Variants in PCCA observed in about 807,000 individuals in gnomAD.
PCCA encodes the protein propionyl-CoA carboxylase subunit alpha, also known as propionyl-CoA carboxylase alpha chain, mitochondrial.
In PCCA, 74 loss-of-function variants were observed where a neutral mutation model predicts 101.3. The ratio of observed to expected loss-of-function variants is 0.73; its 90% CI spans 0.61 to 0.89. The LOEUF is 0.89. Among genes scored for constraint, PCCA ranks in the 40% least tolerant of loss-of-function variants. The pLI, the probability that PCCA is intolerant of heterozygous loss-of-function variation, is 0.00. For synonymous variants in PCCA, 294 were observed against 313.6 expected, an observed-to-expected ratio of 0.94 and a Z score of 0.66; for missense variants, 891 against 907.0, an observed-to-expected ratio of 0.98 and a Z score of 0.23.
At chr13:100,362,222 G>A (rs966459612) in intron 18 of PCCA, among the ~76,000 whole-genome samples, 4 of 152,058 alleles carry the variant, frequency 2.6e-5, no homozygotes, top group East Asian at 1.9e-4. Flanking sequence ...AGAGCCAAGC[G>A]ACTGGAAGGG....
intron 7 of PCCA, among the ~76,000 whole-genome samples, chr13:100,216,409 T>TA (rs2059520297): frequency 6.6e-6 from 1 of 152,198 alleles, no homozygotes; most frequent in Admixed American, 6.5e-5. Flanking sequence ...TTTAGGGCCT[T>TA]ACAGGCCATT....
intron 21 of PCCA, among the ~76,000 whole-genome samples, chr13:100,467,397 A>T (rs2082616053): frequency 1.3e-5 from 2 of 151,996 alleles, no homozygotes; most frequent in African/African-American, 2.4e-5. Flanking sequence ...TTTGAGATGG[A>T]GTCTTGCTCT....
rs548987681 is a variant in PCCA at position 100,155,057 on chromosome 13, A to G, written c.379A>G (p.Ile127Val). 1 of 1,613,998 alleles carries G rather than the reference A, an allele frequency of 6.2e-7. No individual in the cohort carries two copies. Among genetic ancestry groups the G allele is most frequent in the East Asian group, 2.2e-5 (1 of 44,880 alleles). Residue 127 changes from isoleucine to valine, a missense_variant, in exon 5 of 24, where the codon ATC (isoleucine) becomes GTC (valine). By Grantham distance (29) the Ile-to-Val change is conservative. Transcript: ENST00000376285. The part of the protein sequence containing the change: ...TSKSYLNMDA[I>V]MEAIKKTRAQ... The stretch of plus-strand genomic sequence containing the variant: ...TAAAAGCTACCTCAACATGGATGCC[A>G]TCATGGAAGCCATTAAGAAAACCAG...
At chr13:100,335,915 C>A (rs757740608) in intron 17 of PCCA, among the ~76,000 whole-genome samples, 4 of 152,148 alleles carry the variant, frequency 2.6e-5, no homozygotes. Flanking sequence ...AGCCATAGCC[C>A]ACGAAGAGAG....
intron 7 of PCCA, among the ~76,000 whole-genome samples, chr13:100,217,443 C>A (rs1395988232): frequency 5.2e-4 from 70 of 135,058 alleles, no homozygotes; most frequent in East Asian, 1.6e-3. Flanking sequence ...GACTCCATCT[C>A]AAAAAAAAAA....
intron 4 of PCCA, among the ~76,000 whole-genome samples, chr13:100,119,726 G>A (rs1435934013): frequency 6.6e-6 from 1 of 152,104 alleles, no homozygotes; most frequent in Non-Finnish European, 1.5e-5. Context: ...TAGACAGAAG[G>A]GTTTCCTTCA....
chr13:100,473,091 A>G (rs977889579), intron 21 of PCCA: 4 of 152,134 alleles, frequency 2.6e-5, no homozygotes, highest in African/African-American at 9.7e-5. Context: ...GAATGGAATA[A>G]TTAGGAAACT....
intron 4 of PCCA, among the ~76,000 whole-genome samples, chr13:100,145,983 C>T (rs993588205): frequency 5.4e-5 from 8 of 148,700 alleles, no homozygotes; most frequent in Admixed American, 5.3e-4. Flanking sequence ...ATCGCCCAGG[C>T]TGGAGTGCGC....
chr13:100,217,586 T>C lies in PCCA; in HGVS notation c.600+8123T>C, dbSNP rs114095920. 9.2e-3 allele frequency among the ~76,000 whole-genome samples: 1,401 copies of C among 152,076 alleles called. 26 individuals carry two copies. The highest frequency in any genetic ancestry group is 0.032 in the African/African-American group (1,318 of 41,442). ...ATCAGTTTTTGTGTGTGTGTGTGTG[T>C]GGCTGAGTGATATTCAGTTGTATGA... is the stretch of plus-strand genomic sequence containing the variant. On this transcript the variant is annotated intron_variant, in intron 7 of 23. Coordinates refer to ENST00000376285, the MANE Select transcript of PCCA (RefSeq NM_000282.4).
chr13:100,248,416 A>G (rs1431543788), intron 8 of PCCA, among the ~76,000 whole-genome samples: 3 of 152,184 alleles, frequency 2.0e-5, no homozygotes, highest in African/African-American at 7.2e-5. Context: ...AGAAATTTCA[A>G]CTTGGAGACA....
intron 20 of PCCA, among the ~76,000 whole-genome samples, chr13:100,436,818 A>G (rs1219194501): frequency 2.6e-5 from 4 of 152,188 alleles, no homozygotes; most frequent in African/African-American, 4.8e-5. Context: ...CTTACATTAT[A>G]GAATGTTTTG....
chr13:100,274,139 T>G (rs2063487100), intron 12 of PCCA, among the ~76,000 whole-genome samples: 1 of 152,206 alleles, frequency 6.6e-6, no homozygotes, highest in Non-Finnish European at 1.5e-5. Context: ...TAGAGCTGTC[T>G]CCTATCTGAC....
intron 12 of PCCA, among the ~76,000 whole-genome samples, chr13:100,277,588 A>AC (rs1328385942): frequency 6.6e-6 from 1 of 151,876 alleles, no homozygotes; most frequent in Non-Finnish European, 1.5e-5. Context: ...GACTCTCAAC[A>AC]CCCCCCAAAA....
In PCCA at chr13:100,089,139, G is replaced by T; in HGVS notation, c.19G>T (p.Gly7Trp). The T allele has an allele frequency of 1.3e-6, 2 of 1,511,668 alleles. No individual in the cohort carries two copies. Among genetic ancestry groups the T allele is most frequent in the African/African-American group, 1.4e-5 (1 of 70,286 alleles). The allele number at this position is 1,511,668 out of a possible 1,614,324, so 93.6% of individuals were successfully genotyped here. A position where few individuals can be genotyped will look rare whatever the true frequency, so the allele number is the denominator to read the frequency against. The change falls in exon 1 of 24, where the codon GGG becomes TGG. Residue 7 changes from glycine to tryptophan, a missense_variant. Gly to Trp is a radical substitution (Grantham distance 184). Coordinates refer to ENST00000376285, the MANE Select transcript of PCCA (RefSeq NM_000282.4). The stretch of plus-strand genomic sequence containing the variant: ...GACAACAATGGCGGGGTTCTGGGTC[G>T]GGACAGCACCGCTGGTCGCTGCCGG... MAGFWVGTAPLVAAGRR... is the reference protein window; with the variant it reads MAGFWVWTAPLVAAGRR...
intron 18 of PCCA, among the ~76,000 whole-genome samples, chr13:100,356,241 C>A (rs1346937289): frequency 6.6e-6 from 1 of 152,018 alleles, no homozygotes; most frequent in Non-Finnish European, 1.5e-5. Context: ...AAAGTACACG[C>A]AGCAAAAGAA....
intron 17 of PCCA, among the ~76,000 whole-genome samples, chr13:100,337,943 G>A (rs2070749318): frequency 6.6e-6 from 1 of 152,222 alleles, no homozygotes; most frequent in African/African-American, 2.4e-5. Context: ...AAAGTGCTAT[G>A]ATAATTTGTC....
intron 19 of PCCA, among the ~76,000 whole-genome samples, chr13:100,414,564 G>T (rs139601151): frequency 2.0e-5 from 3 of 152,286 alleles, no homozygotes; most frequent in African/African-American, 7.2e-5. Flanking sequence ...ACTTAGCAAC[G>T]TTATTAGATC....
chr13:100,236,003 G>T (rs1015887214), intron 8 of PCCA, 125 bp downstream of exon 8: 1 of 696,912 alleles, frequency 1.4e-6, no homozygotes, highest in Non-Finnish European at 2.6e-6. Context: ...TTGATTACTT[G>T]TTGCTCTGGA....
chr13:100,145,568 T>C (rs1303096566), intron 4 of PCCA, among the ~76,000 whole-genome samples: 2 of 152,142 alleles, frequency 1.3e-5, no homozygotes, highest in Non-Finnish European at 2.9e-5. Flanking sequence ...TGAATAAGAA[T>C]GTTTAGGTAT....
Sources: allele counts gnomAD v4.1 joint callset (sites outside exome capture counted in the v4.1 genomes callset), GRCh38; gene constraint gnomAD v4.1.1; transcripts MANE v1.5; gene names NCBI Gene and HGNC (gene_info 2026-07-23, HGNC 2026-07-21).